CNGB3: variants seen among roughly 807,000 people sequenced by gnomAD.
CNGB3 encodes cyclic nucleotide-gated channel beta-3.
CNGB3 carries 86 observed loss-of-function variants against 92.8 expected under a neutral mutation model. The observed-to-expected ratio is 0.93, with a 90% CI of 0.78 to 1.11. The LOEUF (loss-of-function observed/expected upper bound fraction) is 1.11. Among genes scored for constraint, CNGB3 ranks in the 50% least tolerant of loss-of-function variants. CNGB3 has a pLI of 0.00. For missense variants in CNGB3, 1,026 were observed against 956.8 expected (o/e 1.07, Z -0.95); for synonymous variants, 333 against 332.7 (o/e 1.00, Z -0.01).
At chr8:86,647,987 T>C (rs974369682) in intron 7 of CNGB3, 100 bp from the exon 8 acceptor site, 3 of 805,344 alleles carry the variant, frequency 3.7e-6, no homozygotes, top group African/African-American at 1.7e-5. Flanking sequence ...AATCACAATA[T>C]ATTATTTGTT....
chr8:86,645,846 T>C (rs2131595864), intron 8 of CNGB3, among the ~76,000 whole-genome samples: 1 of 151,328 alleles, frequency 6.6e-6, no homozygotes, highest in South Asian at 2.1e-4. Flanking sequence ...AAAAATAAAA[T>C]GTATATTCAT....
chr8:86,661,860 G>T, intron 6 of CNGB3: 1 of 1,230,194 alleles, frequency 8.1e-7, no homozygotes, highest in Non-Finnish European at 1.2e-6. Context: ...CAGAACTGAT[G>T]TCAGATTTGG....
At chr8:86,742,711 G>A (rs564629355) in intron 1 of CNGB3, among the ~76,000 whole-genome samples, 1 of 152,212 alleles carries the variant, frequency 6.6e-6, no homozygotes, top group East Asian at 1.9e-4. Flanking sequence ...CTCTTGTAAT[G>A]ATCACTTAGG....
At chr8:86,672,831 C>T (rs561809209) in intron 3 of CNGB3, among the ~76,000 whole-genome samples, 2 of 152,256 alleles carry the variant, frequency 1.3e-5, no homozygotes, top group Admixed American at 6.5e-5. Context: ...CAAAGGTAAA[C>T]GGTCCTGTCT....
At chr8:86,659,598 C>A (rs1023593273) in intron 6 of CNGB3, 4 of 545,454 alleles carry the variant, frequency 7.3e-6, no homozygotes, top group African/African-American at 1.9e-5. Context: ...GCAGAGAGAG[C>A]CCACTCCAAC....
chr8:86,629,891 G>T (rs1270895135), intron 11 of CNGB3, among the ~76,000 whole-genome samples: 1 of 152,158 alleles, frequency 6.6e-6, no homozygotes, highest in Non-Finnish European at 1.5e-5. Context: ...GAGGCAAGTG[G>T]CTGTAAATAT....
intron 3 of CNGB3, among the ~76,000 whole-genome samples, chr8:86,675,174 T>C (rs544673847): frequency 1.3e-5 from 2 of 152,148 alleles, no homozygotes; most frequent in African/African-American, 4.8e-5. Flanking sequence ...GTTGGCTAGG[T>C]TGGTCTAGAA....
At chr8:86,608,466 C>T (rs1049861736) in intron 14 of CNGB3, among the ~76,000 whole-genome samples, 2 of 152,188 alleles carry the variant, frequency 1.3e-5, no homozygotes, top group Admixed American at 6.5e-5. Flanking sequence ...AAGGGAGTCT[C>T]CTTTTCCCTG....
At chr8:86,691,544 C>T (rs887632603) in intron 3 of CNGB3, among the ~76,000 whole-genome samples, 2 of 151,984 alleles carry the variant, frequency 1.3e-5, no homozygotes, top group South Asian at 2.1e-4. Flanking sequence ...AAGTTATGGC[C>T]CTTCTATGCC....
chr8:86,622,276 GACTTTAGTATATGAA>G (rs1343220028), intron 13 of CNGB3, among the ~76,000 whole-genome samples: 1 of 151,800 alleles, frequency 6.6e-6, no homozygotes, highest in East Asian at 1.9e-4. Context: ...TCATATAACA[GACTTTAGTATATGAA>G]ACTTCTGCTG....
At chr8:86,650,738 A>G (rs572029205) in intron 7 of CNGB3, among the ~76,000 whole-genome samples, 1 of 151,624 alleles carries the variant, frequency 6.6e-6, no homozygotes, top group South Asian at 2.1e-4. Flanking sequence ...TAAAACTTCT[A>G]TGGAAAACAG....
At chr8:86,700,679 C>T (rs1230254152) in intron 3 of CNGB3, among the ~76,000 whole-genome samples, 10 of 152,170 alleles carry the variant, frequency 6.6e-5, no homozygotes, top group Non-Finnish European at 1.5e-4. Context: ...TGCTCTGACA[C>T]CCAGGCTGGA....
At chr8:86,586,418 G>A (rs1274892934) in intron 15 of CNGB3, among the ~76,000 whole-genome samples, 1 of 151,168 alleles carries the variant, frequency 6.6e-6, no homozygotes, top group Non-Finnish European at 1.5e-5. Flanking sequence ...CATGTGCCAT[G>A]CTGGTGTGCT....
In CNGB3 at chr8:86,601,663, A is replaced by G. The variant is rs889323097; in HGVS notation, c.1781+2430T>C. Among the ~76,000 whole-genome samples, 4 of 152,288 alleles carry G rather than the reference A, an allele frequency of 2.6e-5. No homozygotes were observed. In the East Asian group the frequency reaches 7.7e-4, roughly 29 times the overall value. Reference sequence around the variant, plus strand: ...TCCAGTATCTGGATGTTTGGCAGGCATACCTCCAGCTCTGGAATAAATGAC... The same window carrying G: ...TCCAGTATCTGGATGTTTGGCAGGCGTACCTCCAGCTCTGGAATAAATGAC... On this transcript the variant is annotated intron_variant, in intron 15 of 17. Transcript: ENST00000320005.
chr8:86,600,776 ATTTTTTTTTT>A (rs533111246), intron 15 of CNGB3, among the ~76,000 whole-genome samples: 25 of 38,422 alleles, frequency 6.5e-4, no homozygotes, highest in African/African-American at 9.3e-4. Flanking sequence ...CGCTCGGCTA[ATTTTTTTTTT>A]TTTTTTTTTT....
chr8:86,632,766 T>C lies in CNGB3; in HGVS notation c.1306A>G (p.Ser436Gly). 6.2e-7 allele frequency: 1 copy of C among 1,613,146 alleles called. No homozygotes were observed. The highest frequency in any genetic ancestry group is 8.5e-7 in the Non-Finnish European group (1 of 1,179,784). Residue 436 changes from serine (S) to glycine (G), a missense_variant, in exon 11 of 18, where the codon AGT (serine) becomes GGT (glycine). Coordinates refer to ENST00000320005, the MANE Select transcript of CNGB3 (RefSeq NM_019098.5). ...NFFSGVFVFSSLIGQMRDVIG... is the reference protein window; with the variant it reads ...NFFSGVFVFSGLIGQMRDVIG... Reference sequence around the variant, plus strand: ...ACTCAGCTTACCTGACCAATTAAACTGGAGAACACAAAAACTCCAGAAAAA... The same window carrying C: ...ACTCAGCTTACCTGACCAATTAAACCGGAGAACACAAAAACTCCAGAAAAA...
chr8:86,583,921 C>CAA (rs71574285), intron 15 of CNGB3, among the ~76,000 whole-genome samples: 15,647 of 60,988 alleles, frequency 0.26, 2,658 homozygotes, highest in Admixed American at 0.37. Context: ...GACCTTGTCT[C>CAA]AAAAAAAAAA....
chr8:86,635,777 G>A (rs1823050311), intron 10 of CNGB3, among the ~76,000 whole-genome samples: 1 of 131,452 alleles, frequency 7.6e-6, no homozygotes, highest in South Asian at 2.5e-4. Context: ...AACACATGAA[G>A]TATCTAATTA....
At chr8:86,694,485 G>GGC (rs1361304624) in intron 3 of CNGB3, among the ~76,000 whole-genome samples, 1 of 149,894 alleles carries the variant, frequency 6.7e-6, no homozygotes, top group Admixed American at 6.6e-5. Flanking sequence ...CGGACGGAGG[G>GGC]TCTCCTCACT....
Sources: gnomAD v4.1 joint callset for allele counts (sites outside exome capture counted in the v4.1 genomes callset) on GRCh38, gnomAD v4.1.1 for gene constraint, MANE v1.5 for transcripts, NCBI Gene and HGNC (gene_info 2026-07-23, HGNC 2026-07-21) for gene names.